The following FHOD3 variants were observed in gnomAD, a reference collection of about 807,000 sequenced individuals.
The protein encoded by FHOD3 is formin homology 2 domain containing 3.
In FHOD3, 90 loss-of-function variants were observed where a neutral mutation model predicts 173.0. The ratio of observed to expected loss-of-function variants is 0.52; its 90% CI spans 0.44 to 0.62. The LOEUF is 0.62. Ranked by LOEUF, FHOD3 falls within the 20% of genes least tolerant of loss-of-function variation. The probability of loss-of-function intolerance (pLI) is 0.00; values close to 1 mark genes in which losing one functional copy is unlikely to be tolerated. For missense variants in FHOD3, 1,945 were observed against 2,034.7 expected (o/e 0.96, Z 0.85); for synonymous variants, 828 against 823.0 (o/e 1.01, Z -0.10).
At chr18:36,363,105 C>T (rs1238877322) in intron 2 of FHOD3, among the ~76,000 whole-genome samples, 1 of 152,184 alleles carries the variant, frequency 6.6e-6, no homozygotes, top group Non-Finnish European at 1.5e-5. Context: ...TACCACTACA[C>T]ACCCCTTAGA....
At chr18:36,406,101 TTG>T (rs1241432554) in intron 3 of FHOD3, among the ~76,000 whole-genome samples, 3 of 151,660 alleles carry the variant, frequency 2.0e-5, no homozygotes, top group African/African-American at 7.3e-5. Flanking sequence ...TTTTGTTTTT[TTG>T]TTTTTGTTTT....
intron 1 of FHOD3, among the ~76,000 whole-genome samples, chr18:36,309,903 A>C (rs2092210212): frequency 6.6e-6 from 1 of 152,186 alleles, no homozygotes; most frequent in Non-Finnish European, 1.5e-5. Flanking sequence ...TCCTCTCATG[A>C]CCCTGAAAGA....
intron 3 of FHOD3, among the ~76,000 whole-genome samples, chr18:36,449,594 C>T (rs1433780996): frequency 6.6e-6 from 1 of 152,178 alleles, no homozygotes; most frequent in East Asian, 1.9e-4. Context: ...GAGTTTTACT[C>T]TAGGAGATAA....
At chr18:36,603,485 A>AAAT (rs965274578) in intron 8 of FHOD3, among the ~76,000 whole-genome samples, 50 of 150,996 alleles carry the variant, frequency 3.3e-4, no homozygotes, top group East Asian at 5.8e-4. Flanking sequence ...TGGCCCCTTA[A>AAAT]AATAATAATA....
At chr18:36,525,055 TC>T (rs1352744489) in intron 5 of FHOD3, among the ~76,000 whole-genome samples, 1 of 152,160 alleles carries the variant, frequency 6.6e-6, no homozygotes, top group Non-Finnish European at 1.5e-5. Context: ...GAAGATTCTT[TC>T]CCCCAGTTTA....
At chr18:36,372,136 G>C (rs545627234) in intron 2 of FHOD3, among the ~76,000 whole-genome samples, 1 of 152,248 alleles carries the variant, frequency 6.6e-6, no homozygotes, top group Admixed American at 6.5e-5. Context: ...GTAAATTGAC[G>C]TTTCTGATAA....
At chr18:36,644,262 A>T (rs2035532105) in intron 10 of FHOD3, among the ~76,000 whole-genome samples, 1 of 152,264 alleles carries the variant, frequency 6.6e-6, no homozygotes, top group African/African-American at 2.4e-5. Flanking sequence ...TTAGCACAAT[A>T]TAAACACAAT....
intron 8 of FHOD3, 66 bp downstream of exon 8, chr18:36,602,834 G>A: frequency 8.0e-7 from 1 of 1,254,752 alleles, no homozygotes. Context: ...CCTGACCCCT[G>A]GTATCTGTGC....
intron 3 of FHOD3, among the ~76,000 whole-genome samples, chr18:36,411,087 A>C (rs549827896): frequency 2.6e-4 from 40 of 152,246 alleles, no homozygotes; most frequent in African/African-American, 8.4e-4. Flanking sequence ...TAATTGCCTA[A>C]TCCAAGGCCA....
chr18:36,329,054 G>A (rs1225288387), intron 1 of FHOD3, among the ~76,000 whole-genome samples: 4 of 152,172 alleles, frequency 2.6e-5, no homozygotes, highest in South Asian at 4.1e-4. Context: ...CAGAGAAAGT[G>A]TGGGAAAGAT....
intron 3 of FHOD3, among the ~76,000 whole-genome samples, chr18:36,392,677 C>T (rs1439467985): frequency 6.6e-6 from 1 of 152,212 alleles, no homozygotes; most frequent in Admixed American, 6.5e-5. Context: ...GGGTATATCT[C>T]CTGCTTCCGC....
At chr18:36,380,566 T>C (rs1457259825) in intron 3 of FHOD3, among the ~76,000 whole-genome samples, 4 of 114,562 alleles carry the variant, frequency 3.5e-5, no homozygotes, top group African/African-American at 1.4e-4. Context: ...TCTTTTCTTT[T>C]CTTTTCTTTT....
chr18:36,428,671 C>T (rs866150252), intron 3 of FHOD3, among the ~76,000 whole-genome samples: 9 of 152,344 alleles, frequency 5.9e-5, no homozygotes, highest in African/African-American at 1.9e-4. Context: ...TGCCACACCT[C>T]TTGACTTTCT....
At chr18:36,303,088 A>G (rs1476940215) in intron 1 of FHOD3, among the ~76,000 whole-genome samples, 2 of 152,208 alleles carry the variant, frequency 1.3e-5, no homozygotes, top group Non-Finnish European at 2.9e-5. Context: ...CTGCTATGTC[A>G]TGAACTTATG....
At position 36,355,598 on chromosome 18, in the gene FHOD3, C is replaced by A; in HGVS notation, c.225C>A (p.Thr75=). 6.2e-7 allele frequency: 1 copy of A among 1,614,122 alleles called. No homozygotes were observed. The highest frequency in any genetic ancestry group is 8.5e-7 in the Non-Finnish European group (1 of 1,180,004). ...HNGAYLDLEA[T]LAEQRDELEG... ...GCGCCTACCTGGATTTGGAGGCCAC[C>A]CTGGCAGAGCAGCGGGATGAGTTGG... is the stretch of plus-strand genomic sequence containing the variant. The change falls in exon 2 of 29, where the codon ACC becomes ACA. Residue 75 remains threonine (T), a synonymous_variant. Transcript: ENST00000590592.
At chr18:36,573,819 T>C (rs189290975) in intron 5 of FHOD3, among the ~76,000 whole-genome samples, 3 of 152,374 alleles carry the variant, frequency 2.0e-5, no homozygotes, top group African/African-American at 7.2e-5. Context: ...GTATATTAAA[T>C]AATGCTTCAG....
rs2149582891 is a variant in FHOD3, at chr18:36,701,671, G to T, written c.2237-7424G>T. The stretch of plus-strand genomic sequence containing the variant: ...CCCCTTGTCGTATGAACAATTTGCT[G>T]CTTCAAATGTGAGTTTAGAGTTTAC... On this transcript the variant is annotated intron_variant, in intron 17 of 28. Coordinates refer to ENST00000590592, the MANE Select transcript of FHOD3 (RefSeq NM_001281740.3). Among the ~76,000 whole-genome samples, 3 of 152,284 alleles carry T rather than the reference G, an allele frequency of 2.0e-5. No individual in the cohort carries two copies. The Middle Eastern group carries it at 0.01, about 518-fold the overall frequency.
intron 17 of FHOD3, 29 bp from the exon 18 acceptor site, chr18:36,709,066 A>G (rs1281896338): frequency 1.3e-6 from 2 of 1,596,456 alleles, no homozygotes; most frequent in East Asian, 4.5e-5. Context: ...ATCTGTCGTC[A>G]ATATAATCTC....
At chr18:36,369,896 G>GGTGA (rs370066962) in intron 2 of FHOD3, among the ~76,000 whole-genome samples, 56 of 152,288 alleles carry the variant, frequency 3.7e-4, no homozygotes, top group African/African-American at 1.2e-3. Flanking sequence ...GGGTGGTGCA[G>GGTGA]GTGACCGTGG....
Sources: gnomAD v4.1 joint callset for allele counts (sites outside exome capture counted in the v4.1 genomes callset) on GRCh38, gnomAD v4.1.1 for gene constraint, MANE v1.5 for transcripts, NCBI Gene and HGNC (gene_info 2026-07-23, HGNC 2026-07-21) for gene names.